The following WRAP73 variants were observed in gnomAD, a reference collection of about 807,000 sequenced individuals.
WRAP73 encodes the protein WD repeat containing, antisense to TP73, also known as WD repeat-containing protein WRAP73.
In WRAP73, 55 loss-of-function variants were observed where a neutral mutation model predicts 59.6. That is an observed-to-expected ratio of 0.92 (90% confidence interval 0.74 to 1.15). The LOEUF is 1.15. WRAP73 is among the 50% of genes most tolerant of loss of function. WRAP73 has a pLI of 0.00. For synonymous variants in WRAP73, 265 were observed against 258.2 expected (o/e 1.03, Z -0.25); for missense variants, 592 against 608.1 (o/e 0.97, Z 0.28).
In WRAP73 at chr1:3,647,580, A is replaced by G. The variant is rs1644704126; in HGVS notation, c.70-20T>C. On this transcript the variant is annotated intron_variant, in intron 1 of 11. Coordinates refer to ENST00000270708, the MANE Select transcript of WRAP73 (RefSeq NM_017818.4). ...GGAAGCCTAAAAAATATGAGAAAGC[A>G]AGCACCTGACATTCTCCACTCCAAA... 2 of 1,608,766 alleles carry G rather than the reference A, an allele frequency of 1.2e-6. No homozygotes were observed. Among genetic ancestry groups the G allele is most frequent in the East Asian group, 4.5e-5 (2 of 44,552 alleles).
At chr1:3,641,274 C>A (rs1644641861) in intron 3 of WRAP73, among the ~76,000 whole-genome samples, 1 of 152,158 alleles carries the variant, frequency 6.6e-6, no homozygotes, top group South Asian at 2.1e-4. Flanking sequence ...GGCCACCGAT[C>A]CACACCACAA....
intron 3 of WRAP73, among the ~76,000 whole-genome samples, chr1:3,641,498 C>T (rs113866023): frequency 0.033 from 4,976 of 152,296 alleles, 271 homozygotes; most frequent in African/African-American, 0.11. Flanking sequence ...AGGAAGCAGA[C>T]GCACAGCTCC....
At chr1:3,641,347 G>A (rs993480649) in intron 3 of WRAP73, among the ~76,000 whole-genome samples, 1 of 152,096 alleles carries the variant, frequency 6.6e-6, no homozygotes, top group Non-Finnish European at 1.5e-5. Context: ...GTACACTCAA[G>A]ACGGGAGGAA....
chr1:3,635,981 T>G lies in WRAP73; in HGVS notation c.566A>C (p.Asn189Thr). 6.2e-7 allele frequency: 1 copy of G among 1,613,984 alleles called. No homozygotes were observed. The highest frequency in any genetic ancestry group is 8.5e-7 in the Non-Finnish European group (1 of 1,180,018). ...GTCCCACACTGCCAGCACACAGCCG[T>G]TTGGGGCCCACTCAATCCCTGTGAG... ...QDLTGIEWAPNGCVLAVWDTC... is the reference protein window; with the variant it reads ...QDLTGIEWAPTGCVLAVWDTC... Residue 189 changes from asparagine to threonine, a missense_variant, in exon 6 of 12, where the codon AAC becomes ACC. Coordinates refer to ENST00000270708, the MANE Select transcript of WRAP73 (RefSeq NM_017818.4).
Position 3,640,395 on chromosome 1 carries a change from C to G in WRAP73, c.340-1573G>C, listed in dbSNP as rs570116836. On this transcript the variant is annotated intron_variant, in intron 3 of 11. Transcript: ENST00000270708. ...CAGCGCCTGAGGCTCTGAGCATCAG[C>G]AGGGCGGGGTGGAGCGCCCGAGCAT... Among the ~76,000 whole-genome samples, 35 of 151,630 alleles carry G rather than the reference C, an allele frequency of 2.3e-4. 2 individuals carry two copies. The East Asian group carries it at 6.7e-3, about 29-fold the overall frequency.
At chr1:3,635,886 G>T in intron 6 of WRAP73, 58 bp downstream of exon 6, 1 of 1,403,068 alleles carries the variant, frequency 7.1e-7, no homozygotes, top group Non-Finnish European at 1.0e-6. Flanking sequence ...CATTCAGAAA[G>T]CATGAAATTC....
Position 3,633,406 on chromosome 1 carries a change from TCTGAGCTCGGGAGAGGGC to T in WRAP73, c.896_913del (p.Gly299_Ser304del). 1.2e-6 allele frequency: 2 copies of T among 1,612,604 alleles called. No individual in the cohort carries two copies. ...TCACATGTGCTACTTACATTTACTCTCTGAGCTCGGGAGAGGGCCGGCCCCGGCCCGGGGCGGCGGGAA... is the reference window on the plus strand; with the variant it reads ...TCACATGTGCTACTTACATTTACTCTCGGCCCCGGCCCGGGGCGGCGGGAA... On this transcript the variant is annotated inframe_deletion, in exon 9 of 12. Coordinates refer to ENST00000270708, the MANE Select transcript of WRAP73 (RefSeq NM_017818.4).
chr1:3,638,823 C>G lies in WRAP73; in HGVS notation c.340-1G>C. 6.2e-7 allele frequency: 1 copy of G among 1,613,972 alleles called. No homozygotes were observed. The highest frequency in any genetic ancestry group is 2.2e-5 in the East Asian group (1 of 44,876). On this transcript the variant is annotated splice_acceptor_variant, in intron 3 of 11. Transcript: ENST00000270708. LOFTEE classifies it high-confidence loss of function. ...ACAAGGACCAGACGGTTATCCGCAG[C>G]TGTTGGGGGAAAGGGGAAAGAGAAA...
intron 2 of WRAP73, among the ~76,000 whole-genome samples, chr1:3,647,068 C>T (rs1235616509): frequency 6.6e-6 from 1 of 152,206 alleles, no homozygotes; most frequent in Non-Finnish European, 1.5e-5. Context: ...TGTTTTAAAA[C>T]TGTTTATTCA....
chr1:3,649,816 C>T, intron 1 of WRAP73, 115 bp downstream of exon 1: 1 of 1,159,692 alleles, frequency 8.6e-7, no homozygotes, highest in Non-Finnish European at 1.2e-6. Context: ...TGTCCGGGCA[C>T]CGCACCTGCA....
Position 3,631,081 on chromosome 1 carries a change from C to T in WRAP73, c.1277G>A (p.Ser426Asn), listed in dbSNP as rs764901435. ...GCTGAGGAGGGCCATCGAGTCTCCG[C>T]TTAAATGCCAGCACAGAGAGAGCAC... ...FAVLSLCWHL[S>N]GDSMALLSKD... Residue 426 changes from serine to asparagine, a missense_variant, in exon 12 of 12, where the codon AGC (serine) becomes AAC (asparagine). By Grantham distance (46) the Ser-to-Asn change is conservative (BLOSUM62 1). Coordinates refer to ENST00000270708, the MANE Select transcript of WRAP73 (RefSeq NM_017818.4). 8 of 1,613,282 alleles carry T rather than the reference C, an allele frequency of 5.0e-6. No homozygotes were observed. Among genetic ancestry groups the T allele is most frequent in the Non-Finnish European group, 6.8e-6 (8 of 1,180,036 alleles).
At position 3,632,529 on chromosome 1, in the gene WRAP73, GC is replaced by G. The variant is rs35197479; in HGVS notation, c.923-192del. On this transcript the variant is annotated intron_variant, in intron 9 of 11. Transcript: ENST00000270708. Reference sequence around the variant, plus strand: ...CGCAGCGAGGGGCCTGCCCGCAAGTGCCCCGGATGAGAGTGGCACCATCACC... The same window carrying G: ...CGCAGCGAGGGGCCTGCCCGCAAGTGCCCGGATGAGAGTGGCACCATCACC... 0.021 allele frequency: 17,457 copies of G among 839,906 alleles called. 2,073 individuals are homozygous for G. In the African/African-American group the frequency reaches 0.26, roughly 12 times the overall value. The allele number at this position is 839,906 out of a possible 1,614,324, so 52.0% of individuals were successfully genotyped here. A position where few individuals can be genotyped will look rare whatever the true frequency, so the allele number is the denominator to read the frequency against.
rs1307695195 is a variant in WRAP73 at position 3,631,057 on chromosome 1, C to G, written c.1301G>C (p.Ser434Thr). 1.2e-6 allele frequency: 2 copies of G among 1,613,302 alleles called. No homozygotes were observed. The highest frequency in any genetic ancestry group is 1.7e-6 in the Non-Finnish European group (2 of 1,180,026). Residue 434 changes from serine (S) to threonine (T), a missense_variant, in exon 12 of 12, where the codon AGC (serine) becomes ACC (threonine). Physicochemically the swap from Ser to Thr is moderately conservative, Grantham distance 58 (BLOSUM62 1). Transcript: ENST00000270708. ...GAAGCAGAGGCAGAAGTGATCCTTG[C>G]TGAGGAGGGCCATCGAGTCTCCGCT... ...HLSGDSMALL[S>T]KDHFCLCFLE...
At chr1:3,647,642 C>T (rs143078827) in intron 1 of WRAP73, 82 bp from the exon 2 acceptor site, 2 of 1,486,616 alleles carry the variant, frequency 1.3e-6, no homozygotes, top group African/African-American at 2.8e-5. Context: ...CCCTGGCCTT[C>T]AGTGACTGTG....
At chr1:3,634,614 CTCT>C (rs1233167567) in intron 8 of WRAP73, 2 of 275,974 alleles carry the variant, frequency 7.2e-6, no homozygotes, top group Admixed American at 4.7e-5. Flanking sequence ...AGGGGTCTGT[CTCT>C]TCTTCTCTGG....
At chr1:3,635,472 T>C (rs1644581153) in intron 6 of WRAP73, 178 bp from the exon 7 acceptor site, 1 of 791,592 alleles carries the variant, frequency 1.3e-6, no homozygotes, top group Non-Finnish European at 2.0e-6. Flanking sequence ...GGAGAGGCAG[T>C]GAGAGCATGA....
chr1:3,630,788 A>G lies in WRAP73; in HGVS notation c.*187T>C, dbSNP rs987574592. 32 of 731,506 alleles carry G rather than the reference A, an allele frequency of 4.4e-5. 1 individual carries two copies. Among genetic ancestry groups the G allele is most frequent in the Non-Finnish European group, 3.6e-5 (17 of 475,318 alleles). The allele number at this position is 731,506 out of a possible 1,614,324, so 45.3% of individuals were successfully genotyped here. A position where few individuals can be genotyped will look rare whatever the true frequency, so the allele number is the denominator to read the frequency against. ...GAAGTAGTTGTATAAATCAGCAAGT[A>G]TTTATTTTAAATAATAAAACTACAG... is the stretch of plus-strand genomic sequence containing the variant. On this transcript the variant is annotated 3_prime_UTR_variant, in exon 12 of 12. Coordinates refer to ENST00000270708, the MANE Select transcript of WRAP73 (RefSeq NM_017818.4).
In WRAP73 at chr1:3,635,934, A is replaced by T; in HGVS notation, c.603+10T>A. 2 of 1,612,510 alleles carry T rather than the reference A, an allele frequency of 1.2e-6. No individual in the cohort carries two copies. Among genetic ancestry groups the T allele is most frequent in the Non-Finnish European group, 1.7e-6 (2 of 1,178,876 alleles). On this transcript the variant is annotated intron_variant, in intron 6 of 11. Transcript: ENST00000270708. ...TCGAAAGCAAACATGTCACCTGGTC[A>T]TCTTCATACCTCCAAGCAGGTGTCC...
rs878946372 is a variant in WRAP73, at chr1:3,630,848, T to C, written c.*127A>G. Reference sequence around the variant, plus strand: ...ATACATATTTACAAAAATGCTTTGCTATAGAAAAATAGAATCAATCACTGA... The same window carrying C: ...ATACATATTTACAAAAATGCTTTGCCATAGAAAAATAGAATCAATCACTGA... On this transcript the variant is annotated 3_prime_UTR_variant, in exon 12 of 12. Coordinates refer to ENST00000270708, the MANE Select transcript of WRAP73 (RefSeq NM_017818.4). 1 of 1,276,084 alleles carries C rather than the reference T, an allele frequency of 7.8e-7. No individual in the cohort carries two copies. The highest frequency in any genetic ancestry group is 1.1e-6 in the Non-Finnish European group (1 of 927,338). 79.0% of individuals were successfully genotyped at this position (1,276,084 alleles called of 1,614,324 possible). A position where few individuals can be genotyped will look rare whatever the true frequency, so the allele number is the denominator to read the frequency against.
Sources: allele counts gnomAD v4.1 joint callset (sites outside exome capture counted in the v4.1 genomes callset), GRCh38; gene constraint gnomAD v4.1.1; transcripts MANE v1.5; gene names NCBI Gene and HGNC (gene_info 2026-07-23, HGNC 2026-07-21).